AKAP13: variants seen among roughly 807,000 people sequenced by gnomAD.
AKAP13 encodes A-kinase anchor protein 13.
AKAP13 carries 80 observed loss-of-function variants against 264.5 expected under a neutral mutation model. The observed-to-expected ratio is 0.30, with a 90% CI of 0.25 to 0.36. AKAP13 has a LOEUF of 0.36. AKAP13 is among the 10% of genes least tolerant of loss of function. The pLI, the probability that AKAP13 is intolerant of heterozygous loss-of-function variation, is 1.00. For missense variants in AKAP13, 3,712 were observed against 3,435.2 expected (o/e 1.08, Z -2.01); for synonymous variants, 1,380 against 1,250.2 (o/e 1.10, Z -2.19).
At chr15:85,522,758 C>T (rs1023211831) in intron 3 of AKAP13, among the ~76,000 whole-genome samples, 7 of 152,094 alleles carry the variant, frequency 4.6e-5, no homozygotes, top group African/African-American at 7.2e-5. Flanking sequence ...TAATTTGGTC[C>T]GAATCCTCAG....
intron 1 of AKAP13, among the ~76,000 whole-genome samples, chr15:85,447,654 G>A (rs1207944342): frequency 2.0e-5 from 3 of 152,104 alleles, no homozygotes; most frequent in African/African-American, 7.2e-5. Flanking sequence ...AATTTGCTGA[G>A]GATAATAGCC....
intron 1 of AKAP13, among the ~76,000 whole-genome samples, chr15:85,407,640 A>G (rs1158586334): frequency 6.6e-6 from 1 of 151,776 alleles, no homozygotes; most frequent in Non-Finnish European, 1.5e-5. Context: ...GTGCAAAGAA[A>G]CAGACGTCAA....
At chr15:85,641,002 G>A (rs1213048039) in intron 9 of AKAP13, among the ~76,000 whole-genome samples, 2 of 152,118 alleles carry the variant, frequency 1.3e-5, no homozygotes, top group African/African-American at 2.4e-5. Context: ...TAACAGAATT[G>A]CAGATCAGAA....
At chr15:85,639,666 A>G (rs1273075696) in intron 9 of AKAP13, among the ~76,000 whole-genome samples, 2 of 152,236 alleles carry the variant, frequency 1.3e-5, no homozygotes, top group Admixed American at 6.5e-5. Flanking sequence ...AGGTGGCTTT[A>G]TGATTCATTC....
Position 85,722,236 on chromosome 15 carries a change from A to G in AKAP13, c.6385A>G (p.Met2129Val), listed in dbSNP as rs1469938306. The change falls in exon 25 of 37, where the codon ATG becomes GTG. Residue 2129 changes from methionine (M) to valine (V), a missense_variant. This residue lies in a region of AKAP13 where 342 missense variants were observed against 484.3 expected (regional missense o/e 0.71). Transcript: ENST00000394518. Reference protein sequence around the residue: ...KRFQAFVKKKMSSSVVRRLGI... With the variant: ...KRFQAFVKKKVSSSVVRRLGI... ...TCTGTTTACTCCCTTGCAGAAGAAG[A>G]TGAGCAGTTCAGTTGTTAGAAGGCT... The G allele has an allele frequency of 1.9e-6, 3 of 1,612,898 alleles. No homozygotes were observed. Among genetic ancestry groups the G allele is most frequent in the African/African-American group, 2.7e-5 (2 of 74,884 alleles).
intron 33 of AKAP13, among the ~76,000 whole-genome samples, chr15:85,739,708 C>T (rs568710611): frequency 2.6e-4 from 40 of 152,134 alleles, no homozygotes; most frequent in African/African-American, 9.4e-4. Flanking sequence ...ATCTCGCTGT[C>T]TTGCCCTGGC....
chr15:85,396,321 A>G (rs2071109258), intron 1 of AKAP13, among the ~76,000 whole-genome samples: 1 of 152,166 alleles, frequency 6.6e-6, no homozygotes, highest in African/African-American at 2.4e-5. Context: ...CTCTTCAGCA[A>G]CTTCATCATT....
chr15:85,464,098 C>A (rs916240668), intron 1 of AKAP13, among the ~76,000 whole-genome samples: 38 of 152,214 alleles, frequency 2.5e-4, no homozygotes, highest in Admixed American at 5.9e-4. Flanking sequence ...CTTTCCCACA[C>A]GGCGTCTATG....
intron 1 of AKAP13, among the ~76,000 whole-genome samples, chr15:85,398,021 G>C (rs1255642318): frequency 6.6e-6 from 1 of 152,218 alleles, no homozygotes; most frequent in Non-Finnish European, 1.5e-5. Flanking sequence ...GAGGCCCAGA[G>C]AGGCTGGACT....
chr15:85,726,629 C>A, intron 27 of AKAP13, 143 bp downstream of exon 27: 1 of 678,312 alleles, frequency 1.5e-6, no homozygotes, highest in Non-Finnish European at 2.4e-6. Flanking sequence ...CCCACATGCC[C>A]TCAGAATTTT....
intron 1 of AKAP13, among the ~76,000 whole-genome samples, chr15:85,387,023 T>C (rs992035886): frequency 1.3e-5 from 2 of 152,172 alleles, no homozygotes; most frequent in African/African-American, 4.8e-5. Context: ...GTTTTTCTTT[T>C]TCTTTTTTTT....
chr15:85,400,737 T>A (rs2071381524), intron 1 of AKAP13, among the ~76,000 whole-genome samples: 1 of 152,020 alleles, frequency 6.6e-6, no homozygotes, highest in South Asian at 2.1e-4. Flanking sequence ...GCACTGTTGA[T>A]ACACCAGCTT....
intron 5 of AKAP13, among the ~76,000 whole-genome samples, chr15:85,568,891 G>T (rs1336473841): frequency 6.6e-6 from 1 of 152,200 alleles, no homozygotes; most frequent in East Asian, 1.9e-4. Context: ...TTGGGGGGTA[G>T]TGAAGGCCCT....
At chr15:85,442,123 A>G (rs1382322751) in intron 1 of AKAP13, among the ~76,000 whole-genome samples, 6 of 151,996 alleles carry the variant, frequency 3.9e-5, no homozygotes, top group Non-Finnish European at 8.8e-5. Context: ...TGTTAAAAAT[A>G]TTTTTAGGCT....
chr15:85,516,987 T>A (rs1396542386), intron 2 of AKAP13, among the ~76,000 whole-genome samples: 2 of 152,246 alleles, frequency 1.3e-5, no homozygotes, highest in Non-Finnish European at 2.9e-5. Context: ...GCAGTTTACT[T>A]AGTTATAAGC....
intron 1 of AKAP13, among the ~76,000 whole-genome samples, chr15:85,421,530 T>C (rs910306283): frequency 3.3e-5 from 5 of 152,288 alleles, no homozygotes; most frequent in African/African-American, 1.2e-4. Context: ...AATATTTGAT[T>C]TGAGAGGTTG....
chr15:85,440,369 G>A (rs968747817), intron 1 of AKAP13, among the ~76,000 whole-genome samples: 1 of 151,992 alleles, frequency 6.6e-6, no homozygotes, highest in African/African-American at 2.4e-5. Context: ...CCTTTTCCTG[G>A]AATTTATTCA....
At chr15:85,561,051 ATTTTT>A (rs11311086) in intron 5 of AKAP13, among the ~76,000 whole-genome samples, 1 of 109,508 alleles carries the variant, frequency 9.1e-6, no homozygotes, top group Non-Finnish European at 1.8e-5. Context: ...GGATGTAAGG[ATTTTT>A]TTTTTTTTTT....
intron 10 of AKAP13, among the ~76,000 whole-genome samples, chr15:85,651,987 T>C (rs531129312): frequency 2.0e-5 from 3 of 152,354 alleles, no homozygotes; most frequent in African/African-American, 7.2e-5. Context: ...TTTCAAGTAA[T>C]AACCACCAAT....
Sources: allele counts gnomAD v4.1 joint callset (sites outside exome capture counted in the v4.1 genomes callset), GRCh38; gene constraint gnomAD v4.1.1; regional missense constraint gnomAD v4.1.1; transcripts MANE v1.5; gene names NCBI Gene and HGNC (gene_info 2026-07-23, HGNC 2026-07-21).